PCDHA2: variants seen among roughly 807,000 people sequenced by gnomAD.
The protein encoded by PCDHA2 is protocadherin alpha 2.
A neutral mutation model predicts 66.0 loss-of-function variants in PCDHA2; 58 were observed. That is an observed-to-expected ratio of 0.88 (90% CI 0.71 to 1.09). PCDHA2 has a LOEUF of 1.09. Among genes scored for constraint, PCDHA2 ranks in the 50% least tolerant of loss-of-function variants. PCDHA2 has a pLI of 0.00. For missense variants in PCDHA2, 1,267 were observed against 1,242.3 expected, an observed-to-expected ratio of 1.02 and a Z score of -0.30; for synonymous variants, 634 against 554.0, an observed-to-expected ratio of 1.14 and a Z score of -2.03.
At chr5:140,807,997 C>G in intron 1 of PCDHA2, 1 of 1,613,450 alleles carries the variant, frequency 6.2e-7, no homozygotes, top group Non-Finnish European at 8.5e-7. Context: ...CAGATTTAGA[C>G]GAAGGATTGA....
At chr5:140,808,634 G>C in intron 1 of PCDHA2, 1 of 1,613,546 alleles carries the variant, frequency 6.2e-7, no homozygotes, top group African/African-American at 1.3e-5. Flanking sequence ...GTGGGACGCG[G>C]ACGCGCAGGA....
chr5:140,871,492 C>G (rs782396000), intron 1 of PCDHA2: 1 of 1,589,508 alleles, frequency 6.3e-7, no homozygotes, highest in Admixed American at 1.8e-5. Context: ...TCACCCCGGA[C>G]AGGTGAGTTT....
intron 1 of PCDHA2, chr5:140,875,770 G>A: frequency 1.2e-6 from 2 of 1,614,230 alleles, no homozygotes; most frequent in East Asian, 2.2e-5. Flanking sequence ...CGGGCGGAGC[G>A]CGGAGTGCAG....
At chr5:140,807,188 A>G (rs1554123775) in intron 1 of PCDHA2, 1 of 1,613,140 alleles carries the variant, frequency 6.2e-7, no homozygotes, top group Admixed American at 1.7e-5. Context: ...TGCACTAAAG[A>G]TGGAGTTTTC....
At chr5:140,825,504 A>C (rs2150139800) in intron 1 of PCDHA2, 2 of 151,098 alleles carry the variant, frequency 1.3e-5, no homozygotes, top group South Asian at 4.2e-4. Context: ...GCAATGGTAC[A>C]ATCTTGGCCT....
chr5:140,927,720 G>T lies in PCDHA2; in HGVS notation c.2389-51229G>T. The T allele has an allele frequency of 3.1e-6, 5 of 1,614,174 alleles. No homozygotes were observed. The Middle Eastern group carries it at 4.9e-4, about 160-fold the overall frequency. On this transcript the variant is annotated intron_variant, in intron 1 of 3. Coordinates refer to ENST00000526136, the MANE Select transcript of PCDHA2 (RefSeq NM_018905.3). ...TCCAGTACTCCCTAAGCAACAGCACGCAAGCAGAGCTGCGACACCGCTTTC... is the reference window on the plus strand; with the variant it reads ...TCCAGTACTCCCTAAGCAACAGCACTCAAGCAGAGCTGCGACACCGCTTTC...
intron 1 of PCDHA2, chr5:140,854,759 A>G (rs2043218942): frequency 6.7e-6 from 1 of 149,714 alleles, no homozygotes. Context: ...TTACATTTTC[A>G]TTCCTGAATA....
intron 1 of PCDHA2, chr5:140,969,244 G>C: frequency 6.2e-7 from 1 of 1,614,206 alleles, no homozygotes; most frequent in Non-Finnish European, 8.5e-7. Flanking sequence ...AAGCAGCAGT[G>C]ACTGACAGCA....
chr5:140,849,199 A>T (rs1581177103), intron 1 of PCDHA2: 1 of 1,039,344 alleles, frequency 9.6e-7, no homozygotes, highest in African/African-American at 2.0e-5. Flanking sequence ...GTACTGGACA[A>T]CAATGACAAT....
intron 1 of PCDHA2, chr5:140,836,120 G>A (rs2150253260): frequency 1.2e-6 from 2 of 1,613,746 alleles, no homozygotes. Flanking sequence ...CAGTGAGAGA[G>A]CTTGTGCCGC....
intron 1 of PCDHA2, among the ~76,000 whole-genome samples, chr5:140,889,584 CT>C (rs1192659128): frequency 1.3e-5 from 2 of 151,792 alleles, no homozygotes; most frequent in Non-Finnish European, 2.9e-5. Context: ...TTTGTTTTTG[CT>C]TTGAAATATT....
chr5:140,848,879 C>T (rs2150423372), intron 1 of PCDHA2: 26 of 1,590,952 alleles, frequency 1.6e-5, no homozygotes, highest in Admixed American at 1.2e-4. Flanking sequence ...ACATTAACGA[C>T]AACCCTCCAG....
intron 1 of PCDHA2, chr5:140,876,038 G>C: frequency 6.2e-7 from 1 of 1,613,822 alleles, no homozygotes; most frequent in East Asian, 2.2e-5. Flanking sequence ...AAAGATAAAA[G>C]TATATTGCCT....
intron 1 of PCDHA2, chr5:140,853,229 A>G (rs2042677990): frequency 2.0e-6 from 2 of 981,308 alleles, no homozygotes; most frequent in Admixed American, 1.3e-4. Flanking sequence ...TTGGTAATTT[A>G]GTCCTTCATA....
intron 1 of PCDHA2, chr5:140,808,961 G>A (rs142493803): frequency 6.2e-7 from 1 of 1,613,440 alleles, no homozygotes; most frequent in African/African-American, 1.3e-5. Context: ...CCACGTGGTG[G>A]CAAAGGTGCG....
At chr5:140,834,407 C>T (rs1554134157) in intron 1 of PCDHA2, 1 of 1,609,944 alleles carries the variant, frequency 6.2e-7, no homozygotes, top group East Asian at 2.2e-5. Context: ...ATGGATACGA[C>T]CCAGGGGGCC....
intron 1 of PCDHA2, among the ~76,000 whole-genome samples, chr5:140,880,576 A>G (rs1274181037): frequency 6.6e-6 from 1 of 152,216 alleles, no homozygotes; most frequent in African/African-American, 2.4e-5. Flanking sequence ...ATTTGAGAAG[A>G]GAGGAAAGAG....
chr5:140,981,895 G>A (rs2153826767), intron 2 of PCDHA2, among the ~76,000 whole-genome samples: 1 of 152,252 alleles, frequency 6.6e-6, no homozygotes, highest in East Asian at 1.9e-4. Flanking sequence ...TCTGAGCGGG[G>A]ATCTGTGAGT....
chr5:140,829,742 C>G, intron 1 of PCDHA2: 1 of 1,613,678 alleles, frequency 6.2e-7, no homozygotes, highest in Non-Finnish European at 8.5e-7. Context: ...CAACGTGACG[C>G]TGCAGGTGTT....
Sources: allele counts gnomAD v4.1 joint callset (sites outside exome capture counted in the v4.1 genomes callset), GRCh38; gene constraint gnomAD v4.1.1; transcripts MANE v1.5; gene names NCBI Gene and HGNC (gene_info 2026-07-23, HGNC 2026-07-21).